Variants in BDP1 observed in about 807,000 individuals in gnomAD.
BDP1 encodes transcription factor TFIIIB component B'' homolog.
Under a neutral mutation model 266.6 loss-of-function variants are expected in BDP1, and 169 were observed. The ratio of observed to expected loss-of-function variants is 0.63; its 90% confidence interval spans 0.56 to 0.72. The LOEUF (loss-of-function observed/expected upper bound fraction) is 0.72. Among genes scored for constraint, BDP1 ranks in the 30% least tolerant of loss-of-function variants. The pLI is 0.00. For missense variants in BDP1, 3,015 were observed against 3,053.8 expected, an observed-to-expected ratio of 0.99 and a Z score of 0.30; for synonymous variants, 1,090 against 1,022.4, an observed-to-expected ratio of 1.07 and a Z score of -1.26.
chr5:71,477,637 G>C (rs1228519241), intron 7 of BDP1, among the ~76,000 whole-genome samples: 1 of 54,298 alleles, frequency 1.8e-5, no homozygotes, highest in African/African-American at 6.3e-5. Context: ...TTTTTTTTTT[G>C]ATATAGGGTC....
Position 71,510,357 on chromosome 5 carries a change from A to T in BDP1, c.3265A>T (p.Ile1089Leu). The T allele has an allele frequency of 1.9e-6, 3 of 1,614,068 alleles. No individual in the cohort carries two copies. Among genetic ancestry groups the T allele is most frequent in the Non-Finnish European group, 2.5e-6 (3 of 1,180,010 alleles). ...GATTGATGCCATTGAGGAAATAGAG[A>T]TAGATTTGGAAGAAACTGAAAGAGA... ...EVIDAIEEIE[I>L]DLEETEREIS... The change falls in exon 17 of 39, where the codon ATA (isoleucine) becomes TTA (leucine). Residue 1089 changes from isoleucine to leucine, a missense_variant. By Grantham distance (5) the Ile-to-Leu change is conservative. Coordinates refer to ENST00000358731, the MANE Select transcript of BDP1 (RefSeq NM_018429.3).
rs376059997 is a variant in BDP1 at position 71,502,635 on chromosome 5, A to C, written c.2085A>C (p.Gln695His). The change falls in exon 15 of 39, where the codon CAA becomes CAC. Residue 695 changes from glutamine to histidine, a missense_variant. Gln to His is a conservative substitution (Grantham distance 24). Around this residue, in one of 3 missense-constraint regions of BDP1, gnomAD observed 2,383 missense variants for 2,404.9 expected, o/e 0.99. Transcript: ENST00000358731. Reference protein sequence around the residue: ...GEKNCLQEGSQLKALRPVQVR... With the variant: ...GEKNCLQEGSHLKALRPVQVR... ...AAAATTGTCTGCAGGAAGGGAGTCA[A>C]CTAAAGGCTTTAAGACCTGTACAAG... is the stretch of plus-strand genomic sequence containing the variant. 4.3e-6 allele frequency: 7 copies of C among 1,611,426 alleles called. No individual in the cohort carries two copies. In the East Asian group the frequency reaches 1.6e-4, roughly 36 times the overall value.
In BDP1 at chr5:71,564,760, T is replaced by C. The variant is rs1743922618; in HGVS notation, c.7750T>C (p.Cys2584Arg). ...ATTTTTATTACCTTTTTAGGTTTCT[T>C]GTGATCAGCCCTTACTGAAAGAAGG... is the stretch of plus-strand genomic sequence containing the variant. ...NISSSATQVS[C>R]DQPLLKEGYK... is the part of the protein sequence containing the mutation. Residue 2584 changes from cysteine (C) to arginine (R), a missense_variant, in exon 39 of 39, where the codon TGT (cysteine) becomes CGT (arginine). This residue lies in a region of BDP1 where 629 missense variants were observed against 632.5 expected (regional missense o/e 0.99). Coordinates refer to ENST00000358731, the MANE Select transcript of BDP1 (RefSeq NM_018429.3). 1.3e-6 allele frequency: 2 copies of C among 1,595,548 alleles called. No individual in the cohort carries two copies. The highest frequency in any genetic ancestry group is 1.7e-6 in the Non-Finnish European group (2 of 1,175,850).
At chr5:71,544,627 C>A in intron 31 of BDP1, 120 bp downstream of exon 31, 1 of 1,073,036 alleles carries the variant, frequency 9.3e-7, no homozygotes, top group Non-Finnish European at 1.3e-6. Flanking sequence ...CGCCTGTAAT[C>A]CCGGCACTTT....
At chr5:71,517,746 GAT>G (rs1388488432) in intron 22 of BDP1, among the ~76,000 whole-genome samples, 1 of 152,066 alleles carries the variant, frequency 6.6e-6, no homozygotes, top group Non-Finnish European at 1.5e-5. Context: ...AGTAGACAAA[GAT>G]TCTTAAGTTC....
chr5:71,544,675 C>A (rs1394332932), intron 31 of BDP1, among the ~76,000 whole-genome samples, 168 bp downstream of exon 31: 1 of 151,816 alleles, frequency 6.6e-6, no homozygotes, highest in African/African-American at 2.4e-5. Flanking sequence ...GTCAGGAGAT[C>A]GAGACCATCC....
At chr5:71,477,756 C>A (rs986046316) in intron 7 of BDP1, among the ~76,000 whole-genome samples, 1 of 151,822 alleles carries the variant, frequency 6.6e-6, no homozygotes, top group African/African-American at 2.4e-5. Context: ...AAGTGCCCAA[C>A]TACAGGCATG....
Position 71,539,662 on chromosome 5 carries a change from G to A in BDP1, c.6022+13G>A. On this transcript the variant is annotated intron_variant, in intron 28 of 38. Coordinates refer to ENST00000358731, the MANE Select transcript of BDP1 (RefSeq NM_018429.3). ...GAACAGGGTGATGGTAAGAATGAAA[G>A]CTAAGTCCTATCAAAAATAGAAACT... 1 of 1,558,492 alleles carries A rather than the reference G, an allele frequency of 6.4e-7. No individual in the cohort carries two copies. Among genetic ancestry groups the A allele is most frequent in the South Asian group, 1.2e-5 (1 of 86,036 alleles).
chr5:71,549,983 G>GT (rs1742630168), intron 34 of BDP1, among the ~76,000 whole-genome samples: 1 of 152,110 alleles, frequency 6.6e-6, no homozygotes, highest in African/African-American at 2.4e-5. Context: ...AATAAATACA[G>GT]TTTTTTTTCT....
At chr5:71,474,997 T>A (rs1762498589) in intron 7 of BDP1, among the ~76,000 whole-genome samples, 1 of 152,196 alleles carries the variant, frequency 6.6e-6, no homozygotes, top group Non-Finnish European at 1.5e-5. Context: ...ACTAATTACT[T>A]GCCAGCTATT....
chr5:71,545,840 TA>T (rs35888714), intron 32 of BDP1, among the ~76,000 whole-genome samples: 185 of 142,692 alleles, frequency 1.3e-3, no homozygotes, highest in Admixed American at 2.0e-3. Context: ...TTAATGCCAT[TA>T]AAAAAAAAAA....
At chr5:71,487,686 A>G (rs1445444469) in intron 9 of BDP1, among the ~76,000 whole-genome samples, 2 of 152,188 alleles carry the variant, frequency 1.3e-5, no homozygotes, top group African/African-American at 2.4e-5. Context: ...CACGACCACC[A>G]CCGGGGTTCG....
intron 28 of BDP1, among the ~76,000 whole-genome samples, chr5:71,540,644 A>G (rs1225118666): frequency 1.3e-5 from 2 of 152,104 alleles, no homozygotes; most frequent in Non-Finnish European, 2.9e-5. Flanking sequence ...CATTTTAAGT[A>G]TTAGACTTTT....
intron 14 of BDP1, 66 bp from the exon 15 acceptor site, chr5:71,502,533 C>T (rs918451578): frequency 1.5e-6 from 2 of 1,319,340 alleles, no homozygotes; most frequent in African/African-American, 3.0e-5. Context: ...TTTACTTATT[C>T]ATGCCAGGGA....
intron 21 of BDP1, 96 bp from the exon 22 acceptor site, chr5:71,517,223 AAAG>A (rs1333095437): frequency 1.6e-5 from 17 of 1,043,384 alleles, no homozygotes; most frequent in Middle Eastern, 3.1e-4. Context: ...TTAAAAAAGA[AAAG>A]GGATTTTAAA....
rs371967351 is a variant in BDP1 at position 71,456,036 on chromosome 5, G to A, written c.159G>A (p.Val53=). The A allele has an allele frequency of 6.8e-6, 11 of 1,613,414 alleles. No homozygotes were observed. Among genetic ancestry groups the A allele is most frequent in the Non-Finnish European group, 8.5e-6 (10 of 1,180,046 alleles). ...CCAAGCCCGCGGAGCCCACAGATGT[G>A]CCCACAGTCGATTTCGGTGGAGCGG... The part of the protein sequence containing the change: ...SASKPAEPTD[V]PTVDFGGAEP... Residue 53 remains valine, a synonymous_variant, in exon 1 of 39, where the codon GTG becomes GTA. Coordinates refer to ENST00000358731, the MANE Select transcript of BDP1 (RefSeq NM_018429.3).
Position 71,509,853 on chromosome 5 carries a change from G to A in BDP1, c.2761G>A (p.Ala921Thr). 6.2e-7 allele frequency: 1 copy of A among 1,614,124 alleles called. No homozygotes were observed. Among genetic ancestry groups the A allele is most frequent in the Non-Finnish European group, 8.5e-7 (1 of 1,180,006 alleles). The part of the protein sequence containing the change: ...LREKTPEVID[A>T]TEEIDKDLEE... ...GGAGAAGACGCCAGAGGTGATTGAT[G>A]CCACTGAGGAAATAGACAAAGATTT... The change falls in exon 17 of 39, where the codon GCC becomes ACC. Residue 921 changes from alanine (A) to threonine (T), a missense_variant. By Grantham distance (58) the Ala-to-Thr change is moderately conservative. Transcript: ENST00000358731.
chr5:71,572,394 CAG>C (rs983066403), downstream of BDP1, among the ~76,000 whole-genome samples: 22 of 152,284 alleles, frequency 1.4e-4, no homozygotes, highest in Non-Finnish European at 2.9e-4. Context: ...CGTCCAAACA[CAG>C]GGGCTTCGAG....
intron 7 of BDP1, among the ~76,000 whole-genome samples, chr5:71,480,277 A>ATTTTTTTTT (rs552593030): frequency 3.5e-4 from 37 of 105,014 alleles, no homozygotes; most frequent in African/African-American, 4.7e-4. Context: ...TGCCCAGCTA[A>ATTTTTTTTT]TTTTTTTTTT....
Sources: gnomAD v4.1 joint callset for allele counts (sites outside exome capture counted in the v4.1 genomes callset) on GRCh38, gnomAD v4.1.1 for gene constraint, gnomAD v4.1.1 regional missense constraint, MANE v1.5 for transcripts, NCBI Gene and HGNC (gene_info 2026-07-23, HGNC 2026-07-21) for gene names.